KCNA7: variants seen among roughly 807,000 people sequenced by gnomAD.
The protein encoded by KCNA7 is potassium channel, voltage gated shaker related subfamily A, member 7.
In KCNA7, 15 loss-of-function variants were observed where a neutral mutation model predicts 21.5. The ratio of observed to expected loss-of-function variants is 0.70; its 90% confidence interval spans 0.47 to 1.07. The LOEUF (loss-of-function observed/expected upper bound fraction) is 1.07, where lower values mean the gene tolerates loss of function less well. Among genes scored for constraint, KCNA7 ranks in the 50% least tolerant of loss-of-function variants. The pLI, the probability that KCNA7 is intolerant of heterozygous loss-of-function variation, is 0.00. For missense variants in KCNA7, 640 were observed against 651.6 expected (o/e 0.98, Z 0.19); for synonymous variants, 298 against 291.0 (o/e 1.02, Z -0.24).
At position 49,072,341 on chromosome 19, in the gene KCNA7, G is replaced by T; in HGVS notation, c.245C>A (p.Ala82Glu). Residue 82 changes from alanine to glutamate, a missense_variant, in exon 1 of 2, where the codon GCG becomes GAG. Ala to Glu is a moderately radical substitution (Grantham distance 107). Coordinates refer to ENST00000221444, the MANE Select transcript of KCNA7 (RefSeq NM_031886.3). ...CAGGAAGACGTCGAGCGGCACGTGC[G>T]CCGGCCGCCGCAGCCGCCCACCGGA... Reference protein sequence around the residue: ...YQSGGRLRRPAHVPLDVFLEE... With the variant: ...YQSGGRLRRPEHVPLDVFLEE... 1 of 1,591,922 alleles carries T rather than the reference G, an allele frequency of 6.3e-7. No individual in the cohort carries two copies. The highest frequency in any genetic ancestry group is 1.1e-5 in the South Asian group (1 of 89,266).
Position 49,070,756 on chromosome 19 carries a change from T to G in KCNA7, c.678A>C (p.Val226=). The change falls in exon 2 of 2, where the codon GTA becomes GTC. Residue 226 remains valine (V), a synonymous_variant. Coordinates refer to ENST00000221444, the MANE Select transcript of KCNA7 (RefSeq NM_031886.3). The surrounding 1 kb of genome is among the most constrained non-coding windows in gnomAD (Gnocchi z 4.3). ...CICWFSFELL[V]RLLVCPSKAI... ...CCTTGCTTGGACAGACCAGGAGGCG[T>G]ACCAGCAGCTCAAAGGAGAACCAAC... is the stretch of plus-strand genomic sequence containing the variant. 1 of 1,614,144 alleles carries G rather than the reference T, an allele frequency of 6.2e-7. No individual in the cohort carries two copies. Among genetic ancestry groups the G allele is most frequent in the South Asian group, 1.1e-5 (1 of 91,082 alleles).
chr19:49,071,699 C>T (rs913218605), intron 1 of KCNA7, among the ~76,000 whole-genome samples: 8 of 152,168 alleles, frequency 5.3e-5, no homozygotes, highest in Non-Finnish European at 8.8e-5. Context: ...TTATTCAGGG[C>T]CTGGCTTTCA....
At position 49,070,213 on chromosome 19, in the gene KCNA7, G is replaced by T; in HGVS notation, c.1221C>A (p.Gly407=). ...FSYFYHRETE[G]EEAGMFSHVD... Reference sequence around the variant, plus strand: ...CATGGCTGAACATCCCAGCCTCTTCGCCCTCTGTCTCCCGGTGATAAAAGT... The same window carrying T: ...CATGGCTGAACATCCCAGCCTCTTCTCCCTCTGTCTCCCGGTGATAAAAGT... The change falls in exon 2 of 2, where the codon GGC becomes GGA. Residue 407 remains glycine (G), a synonymous_variant. Transcript: ENST00000221444. The surrounding 1 kb of genome is among the most constrained non-coding windows in gnomAD (Gnocchi z 4.3). The T allele has an allele frequency of 6.2e-7, 1 of 1,614,164 alleles. No individual in the cohort carries two copies. The highest frequency in any genetic ancestry group is 8.5e-7 in the Non-Finnish European group (1 of 1,180,042).
rs989734921 is a variant in KCNA7, at chr19:49,067,969, G to C, written c.*2094C>G. 4.6e-5 allele frequency: 7 copies of C among 150,774 alleles called. No individual in the cohort carries two copies. The highest frequency in any genetic ancestry group is 8.9e-5 in the Non-Finnish European group (6 of 67,796). 9.3% of individuals were successfully genotyped at this position (150,774 alleles called of 1,614,324 possible). On this transcript the variant is annotated 3_prime_UTR_variant, in exon 2 of 2. Coordinates refer to ENST00000221444, the MANE Select transcript of KCNA7 (RefSeq NM_031886.3). ...GGCTGGAGTGCAGTGGCGCAATCTCGGCTCACTGCAAGCTCCGCCTCCCAG... is the reference window on the plus strand; with the variant it reads ...GGCTGGAGTGCAGTGGCGCAATCTCCGCTCACTGCAAGCTCCGCCTCCCAG...
In KCNA7 at chr19:49,072,592, C is replaced by G; in HGVS notation, c.-7G>C. Reference sequence around the variant, plus strand: ...GCGGGCACCGCGGCTCCATGGCGCGCGCAGCCCCGGCGACCCGCGAACCGA... The same window carrying G: ...GCGGGCACCGCGGCTCCATGGCGCGGGCAGCCCCGGCGACCCGCGAACCGA... On this transcript the variant is annotated 5_prime_UTR_variant, in exon 1 of 2. Transcript: ENST00000221444. The G allele has an allele frequency of 8.1e-7, 1 of 1,242,158 alleles. No homozygotes were observed. The highest frequency in any genetic ancestry group is 3.1e-5 in the South Asian group (1 of 32,462). 76.9% of individuals were successfully genotyped at this position (1,242,158 alleles called of 1,614,324 possible).
In KCNA7 at chr19:49,070,364, G is replaced by A; in HGVS notation, c.1070C>T (p.Thr357Ile). 1 of 1,614,144 alleles carries A rather than the reference G, an allele frequency of 6.2e-7. No individual in the cohort carries two copies. The highest frequency in any genetic ancestry group is 8.5e-7 in the Non-Finnish European group (1 of 1,180,030). Residue 357 changes from threonine (T) to isoleucine (I), a missense_variant, in exon 2 of 2, where the codon ACT becomes ATT. Physicochemically the swap from Thr to Ile is moderately conservative, Grantham distance 89. Transcript: ENST00000221444. This position sits in a 1 kb window ranked among gnomAD's most constrained non-coding sequence, Gnocchi z 4.3. ...ESFWWAVVTMTTVGYGDMAPV... is the reference protein window; with the variant it reads ...ESFWWAVVTMITVGYGDMAPV... ...TGCCATGTCTCCATAGCCAACTGTA[G>A]TCATGGTGACTACCGCCCACCAGAA...
At position 49,070,744 on chromosome 19, in the gene KCNA7, G is replaced by C; in HGVS notation, c.690C>G (p.Val230=). The C allele has an allele frequency of 6.2e-7, 1 of 1,614,178 alleles. No individual in the cohort carries two copies. Among genetic ancestry groups the C allele is most frequent in the Non-Finnish European group, 8.5e-7 (1 of 1,180,044 alleles). The change falls in exon 2 of 2, where the codon GTC becomes GTG. Residue 230 remains valine (V), a synonymous_variant. Coordinates refer to ENST00000221444, the MANE Select transcript of KCNA7 (RefSeq NM_031886.3). This position sits in a 1 kb window ranked among gnomAD's most constrained non-coding sequence, Gnocchi z 4.3. ...FSFELLVRLL[V]CPSKAIFFKN... ...TGAAGAAGATAGCCTTGCTTGGACA[G>C]ACCAGGAGGCGTACCAGCAGCTCAA...
rs1211373362 is a variant in KCNA7 at position 49,067,747 on chromosome 19, A to G, written c.*2316T>C. On this transcript the variant is annotated 3_prime_UTR_variant, in exon 2 of 2. Transcript: ENST00000221444. Reference sequence around the variant, plus strand: ...TGAGACTCAGGTTTCTCCCCTGGAAAACAGAGTGAGGCCCCCAGCCTGTCT... The same window carrying G: ...TGAGACTCAGGTTTCTCCCCTGGAAGACAGAGTGAGGCCCCCAGCCTGTCT... The G allele has an allele frequency of 6.6e-6, 1 of 152,106 alleles. No individual in the cohort carries two copies. The highest frequency in any genetic ancestry group is 1.5e-5 in the Non-Finnish European group (1 of 68,036). The allele number at this position is 152,106 out of a possible 1,614,324, so 9.4% of individuals were successfully genotyped here. A position where few individuals can be genotyped will look rare whatever the true frequency, so the allele number is the denominator to read the frequency against.
rs1220755136 is a variant in KCNA7, at chr19:49,070,930, G to T, written c.556-52C>A. 2 of 1,462,200 alleles carry T rather than the reference G, an allele frequency of 1.4e-6. No individual in the cohort carries two copies. Among genetic ancestry groups the T allele is most frequent in the African/African-American group, 2.8e-5 (2 of 71,182 alleles). The allele number at this position is 1,462,200 out of a possible 1,614,324, so 90.6% of individuals were successfully genotyped here. On this transcript the variant is annotated intron_variant, in intron 1 of 1. Transcript: ENST00000221444. This position sits in a 1 kb window ranked among gnomAD's most constrained non-coding sequence, Gnocchi z 4.3. ...GGTCAGGCTGGGGCTAGGACACGGG[G>T]ACAGCCTTAATCATCATTTAAATAC...
Position 49,067,449 on chromosome 19 carries a change from A to G in KCNA7, c.*2614T>C, listed in dbSNP as rs895776538. On this transcript the variant is annotated 3_prime_UTR_variant, in exon 2 of 2. Transcript: ENST00000221444. Reference sequence around the variant, plus strand: ...ATTAACCCAAGTAAAGTACTTTGATACCAAAGGAAGCCCTATATGTGTTAG... The same window carrying G: ...ATTAACCCAAGTAAAGTACTTTGATGCCAAAGGAAGCCCTATATGTGTTAG... 6.6e-6 allele frequency: 1 copy of G among 152,218 alleles called. No individual in the cohort carries two copies. The highest frequency in any genetic ancestry group is 2.4e-5 in the African/African-American group (1 of 41,456). 9.4% of individuals were successfully genotyped at this position (152,218 alleles called of 1,614,324 possible).
rs759069301 is a variant in KCNA7, at chr19:49,072,108, A to G, written c.478T>C (p.Phe160Leu). The G allele has an allele frequency of 6.2e-7, 1 of 1,612,354 alleles. No individual in the cohort carries two copies. Among genetic ancestry groups the G allele is most frequent in the South Asian group, 1.1e-5 (1 of 91,058 alleles). ...AAGTCAGGCAGCGTCTCGAGGCAGA[A>G]GACGACGATGGAGACGAGGATGACC... ...VLVILVSIVV[F>L]CLETLPDFRD... Residue 160 changes from phenylalanine (F) to leucine (L), a missense_variant, in exon 1 of 2, where the codon TTC becomes CTC. Transcript: ENST00000221444.
In KCNA7 at chr19:49,067,906, C is replaced by CTTTTCT. The variant is rs563257561; in HGVS notation, c.*2156_*2157insAGAAAA. The CTTTTCT allele has an allele frequency of 0.19, 27,814 of 147,452 alleles. 3,102 individuals are homozygous for CTTTTCT. The highest frequency in any genetic ancestry group is 0.28 in the Middle Eastern group (80 of 284). 9.1% of individuals were successfully genotyped at this position (147,452 alleles called of 1,614,324 possible). On this transcript the variant is annotated 3_prime_UTR_variant, in exon 2 of 2. Coordinates refer to ENST00000221444, the MANE Select transcript of KCNA7 (RefSeq NM_031886.3). ...TTTTTCTGGCTTTTTCTTTTCTTTT[C>CTTTTCT]TTTTTTTTTTTGAGACAGAGTGTTG...
Position 49,070,884 on chromosome 19 carries a change from G to T in KCNA7, c.556-6C>A. On this transcript the variant is annotated splice_region_variant and splice_polypyrimidine_tract_variant and intron_variant, in intron 1 of 1. Coordinates refer to ENST00000221444, the MANE Select transcript of KCNA7 (RefSeq NM_031886.3). The surrounding 1 kb of genome is among the most constrained non-coding windows in gnomAD (Gnocchi z 4.3). ...CCATTCAGCGGAGCGGGGAACTGCA[G>T]GGAGGAAAGTGTTCAGGGAGGGTCA... 2 of 1,608,120 alleles carry T rather than the reference G, an allele frequency of 1.2e-6. No individual in the cohort carries two copies. The highest frequency in any genetic ancestry group is 2.2e-5 in the South Asian group (2 of 90,298).
At position 49,072,451 on chromosome 19, in the gene KCNA7, G is replaced by T. The variant is rs2040267011; in HGVS notation, c.135C>A (p.Arg45=). 1 of 1,572,336 alleles carries T rather than the reference G, an allele frequency of 6.4e-7. No individual in the cohort carries two copies. Among genetic ancestry groups the T allele is most frequent in the African/African-American group, 1.4e-5 (1 of 71,642 alleles). ...GGCGCGCGTCGTCGTAGAAGCGGCCGCGGCGCGCTGGGTCCCCTAGCAGAG... is the reference window on the plus strand; with the variant it reads ...GGCGCGCGTCGTCGTAGAAGCGGCCTCGGCGCGCTGGGTCCCCTAGCAGAG... ...PDTLLGDPAR[R]GRFYDDARRE... Residue 45 remains arginine (R), a synonymous_variant, in exon 1 of 2, where the codon CGC becomes CGA. Coordinates refer to ENST00000221444, the MANE Select transcript of KCNA7 (RefSeq NM_031886.3).
chr19:49,071,430 C>T (rs1464052815), intron 1 of KCNA7, among the ~76,000 whole-genome samples: 2 of 152,102 alleles, frequency 1.3e-5, no homozygotes, highest in Non-Finnish European at 2.9e-5. Context: ...GTGGCCTGCA[C>T]CTGTAATCCC....
rs1568412090 is a variant in KCNA7, at chr19:49,070,816, A to G, written c.618T>C (p.Asn206=). The change falls in exon 2 of 2, where the codon AAT becomes AAC. Residue 206 remains asparagine, a synonymous_variant. Transcript: ENST00000221444. This position sits in a 1 kb window ranked among gnomAD's most constrained non-coding sequence, Gnocchi z 4.3. ...MPGNPPRLPF[N]DPFFVVETLC... is the part of the protein sequence containing the mutation. Reference sequence around the variant, plus strand: ...GCGTCTCCACCACGAAGAACGGGTCATTGAAGGGCAGGCGGGGTGGATTTC... The same window carrying G: ...GCGTCTCCACCACGAAGAACGGGTCGTTGAAGGGCAGGCGGGGTGGATTTC... The G allele has an allele frequency of 6.2e-7, 1 of 1,614,228 alleles. No homozygotes were observed.
In KCNA7 at chr19:49,072,241, C is replaced by A. The variant is rs529804360; in HGVS notation, c.345G>T (p.Pro115=). 3 of 1,589,794 alleles carry A rather than the reference C, an allele frequency of 1.9e-6. No homozygotes were observed. The highest frequency in any genetic ancestry group is 2.6e-6 in the Non-Finnish European group (3 of 1,168,968). Residue 115 remains proline (P), a synonymous_variant, in exon 1 of 2, where the codon CCG becomes CCT. Transcript: ENST00000221444. The part of the protein sequence containing the change: ...RLREDEGCPV[P]PERPLPRRAF... ...CGCGGCGGGGCAGGGGGCGCTCGGG[C>A]GGCACCGGGCAGCCCTCGTCCTCGC...
Position 49,072,186 on chromosome 19 carries a change from C to G in KCNA7, c.400G>C (p.Glu134Gln). The G allele has an allele frequency of 6.2e-7, 1 of 1,611,312 alleles. No homozygotes were observed. Among genetic ancestry groups the G allele is most frequent in the Non-Finnish European group, 8.5e-7 (1 of 1,179,416 alleles). Residue 134 changes from glutamate to glutamine, a missense_variant, in exon 1 of 2, where the codon GAG (glutamate) becomes CAG (glutamine). Coordinates refer to ENST00000221444, the MANE Select transcript of KCNA7 (RefSeq NM_031886.3). ...GCGGCCTGAGAGCTCTCGGGAAACTCGAAAAGCAGCCACAGCTGGCGGGCG... is the reference window on the plus strand; with the variant it reads ...GCGGCCTGAGAGCTCTCGGGAAACTGGAAAAGCAGCCACAGCTGGCGGGCG... ...AFARQLWLLF[E>Q]FPESSQAARV...
chr19:49,070,869 G>C lies in KCNA7; in HGVS notation c.565C>G (p.Pro189Ala), dbSNP rs940006170. Residue 189 changes from proline to alanine, a missense_variant, in exon 2 of 2, where the codon CCG (proline) becomes GCG (alanine). By Grantham distance (27) the Pro-to-Ala change is conservative. Transcript: ENST00000221444. The surrounding 1 kb of genome is among the most constrained non-coding windows in gnomAD (Gnocchi z 4.3). ...AAAAAGPFPA[P>A]LNGSSQMPGN... ...GGCATTTGGCTGGAGCCATTCAGCG[G>C]AGCGGGGAACTGCAGGGAGGAAAGT... The C allele has an allele frequency of 6.2e-7, 1 of 1,612,114 alleles. No individual in the cohort carries two copies. Among genetic ancestry groups the C allele is most frequent in the African/African-American group, 1.3e-5 (1 of 75,036 alleles).
Sources: allele counts gnomAD v4.1 joint callset (sites outside exome capture counted in the v4.1 genomes callset), GRCh38; gene constraint gnomAD v4.1.1; non-coding constraint Gnocchi (gnomAD v3.1); transcripts MANE v1.5; gene names NCBI Gene and HGNC (gene_info 2026-07-23, HGNC 2026-07-21).